RILPL1: variants seen among roughly 807,000 people sequenced by gnomAD.
RILPL1 encodes Rab interacting lysosomal protein like 1.
A neutral mutation model predicts 50.3 loss-of-function variants in RILPL1; 33 were observed. The ratio of observed to expected loss-of-function variants is 0.66; its 90% CI spans 0.50 to 0.88. The LOEUF is 0.88. RILPL1 is among the 40% of genes least tolerant of loss of function. The pLI is 0.00. For missense variants in RILPL1, 418 were observed against 542.5 expected, an observed-to-expected ratio of 0.77 and a Z score of 2.28; for synonymous variants, 205 against 228.6, an observed-to-expected ratio of 0.90 and a Z score of 0.93.
In RILPL1 at chr12:123,524,586, T is replaced by C. The variant is rs571575259; in HGVS notation, c.310-941A>G. ...CATGGCACATCCATACAATGGAACATTATTCGGCCATGAAAAGGAATGAAA... is the reference window on the plus strand; with the variant it reads ...CATGGCACATCCATACAATGGAACACTATTCGGCCATGAAAAGGAATGAAA... On this transcript the variant is annotated intron_variant, in intron 1 of 6. Transcript: ENST00000376874. Among the ~76,000 whole-genome samples, 11 of 152,312 alleles carry C rather than the reference T, an allele frequency of 7.2e-5. 1 individual carries two copies. In the East Asian group the frequency reaches 2.1e-3, roughly 29 times the overall value.
intron 2 of RILPL1, among the ~76,000 whole-genome samples, chr12:123,512,593 T>C (rs972557471): frequency 6.9e-6 from 1 of 144,048 alleles, no homozygotes; most frequent in Non-Finnish European, 1.5e-5. Flanking sequence ...GTGTGTGGTG[T>C]GTGAGATCTG....
At chr12:123,499,394 G>A (rs9697264) in intron 3 of RILPL1, 24 bp downstream of exon 3, 626,464 of 1,552,378 alleles carry the variant, frequency 0.4, 133,707 homozygotes, top group African/African-American at 0.67. Context: ...GAGGGTGGAC[G>A]CAGGTCAGGG....
At chr12:123,515,105 A>T (rs536094508) in intron 2 of RILPL1, among the ~76,000 whole-genome samples, 46 of 151,026 alleles carry the variant, frequency 3.0e-4, no homozygotes, top group African/African-American at 9.0e-4. Context: ...TAATTTAAAA[A>T]TTTTTTTGTA....
chr12:123,502,077 T>C (rs1883432971), intron 2 of RILPL1, among the ~76,000 whole-genome samples: 1 of 123,640 alleles, frequency 8.1e-6, no homozygotes. Flanking sequence ...TGAAACTTCG[T>C]CTCAAAAAAA....
At chr12:123,527,750 A>G (rs2139391683) in intron 1 of RILPL1, among the ~76,000 whole-genome samples, 1 of 152,104 alleles carries the variant, frequency 6.6e-6, no homozygotes, top group South Asian at 2.1e-4. Flanking sequence ...GGGTCTTCGT[A>G]AGAGGAAGGC....
At chr12:123,504,520 C>T (rs1021881215) in intron 2 of RILPL1, among the ~76,000 whole-genome samples, 1 of 152,124 alleles carries the variant, frequency 6.6e-6, no homozygotes, top group Non-Finnish European at 1.5e-5. Flanking sequence ...AGGCATCAGC[C>T]TGTCTCATTC....
rs146003910 is a variant in RILPL1 at position 123,491,151 on chromosome 12, C to T, written c.802-5346G>A. 6.6e-6 allele frequency among the ~76,000 whole-genome samples: 1 copy of T among 152,316 alleles called. No homozygotes were observed. Among genetic ancestry groups the T allele is most frequent in the Non-Finnish European group, 1.5e-5 (1 of 68,030 alleles). On this transcript the variant is annotated intron_variant, in intron 4 of 6. Transcript: ENST00000376874. The surrounding 1 kb of genome is among the most constrained non-coding windows in gnomAD (Gnocchi z 4.0). ...CAGTGACCGCAGGGCCACGGGCAGC[C>T]CAGGACTATCCGGTTCAGACTGGGA...
chr12:123,509,685 G>A (rs1047344008), intron 2 of RILPL1, among the ~76,000 whole-genome samples: 1 of 152,170 alleles, frequency 6.6e-6, no homozygotes, highest in Non-Finnish European at 1.5e-5. Flanking sequence ...TCCACTTCCA[G>A]GAGGAGCTCC....
intron 1 of RILPL1, among the ~76,000 whole-genome samples, chr12:123,532,779 T>C (rs1885485454): frequency 6.8e-6 from 1 of 146,960 alleles, no homozygotes; most frequent in Non-Finnish European, 1.5e-5. Context: ...CCAAGAGGCT[T>C]ATTTCATGTC....
intron 1 of RILPL1, among the ~76,000 whole-genome samples, chr12:123,531,439 T>C (rs1408413180): frequency 6.6e-6 from 1 of 152,110 alleles, no homozygotes; most frequent in Non-Finnish European, 1.5e-5. Flanking sequence ...TTCTGTGTGA[T>C]CTGGTCAAAG....
chr12:123,522,291 C>T lies in RILPL1; in HGVS notation c.460+1204G>A, dbSNP rs1001270880. Among the ~76,000 whole-genome samples, 13 of 152,184 alleles carry T rather than the reference C, an allele frequency of 8.5e-5. No homozygotes were observed. The highest frequency in any genetic ancestry group is 1.5e-4 in the Non-Finnish European group (10 of 68,034). ...CTGCAGGGCTGAGCAGAGCAGATGC[C>T]GCCCACAGCCCCGCCTGGCCCGAAT... On this transcript the variant is annotated intron_variant, in intron 2 of 6. Coordinates refer to ENST00000376874, the MANE Select transcript of RILPL1 (RefSeq NM_178314.5). The surrounding 1 kb of genome is among the most constrained non-coding windows in gnomAD (Gnocchi z 4.0).
At chr12:123,479,830 G>A (rs971466293) in intron 6 of RILPL1, among the ~76,000 whole-genome samples, 1 of 152,188 alleles carries the variant, frequency 6.6e-6, no homozygotes, top group African/African-American at 2.4e-5. Context: ...CCTAAGTGGG[G>A]AAGAGCTCTG....
At position 123,522,344 on chromosome 12, in the gene RILPL1, C is replaced by T. The variant is rs919961253; in HGVS notation, c.460+1151G>A. Among the ~76,000 whole-genome samples, 1 of 151,736 alleles carries T rather than the reference C, an allele frequency of 6.6e-6. No individual in the cohort carries two copies. Among genetic ancestry groups the T allele is most frequent in the African/African-American group, 2.4e-5 (1 of 41,004 alleles). On this transcript the variant is annotated intron_variant, in intron 2 of 6. Transcript: ENST00000376874. The surrounding 1 kb of genome is among the most constrained non-coding windows in gnomAD (Gnocchi z 4.0). ...TGCGGCCCATTTGTCCTTTTCCCAG[C>T]ACCAGCAGAGGCCCTGCATGAAGGT...
chr12:123,520,261 G>C (rs533667152), intron 2 of RILPL1, among the ~76,000 whole-genome samples: 1 of 152,284 alleles, frequency 6.6e-6, no homozygotes, highest in South Asian at 2.1e-4. Context: ...CAGACAATTC[G>C]GACATGAAAA....
At chr12:123,479,712 C>T (rs1881833824) in intron 6 of RILPL1, among the ~76,000 whole-genome samples, 2 of 152,210 alleles carry the variant, frequency 1.3e-5, no homozygotes, top group Non-Finnish European at 2.9e-5. Flanking sequence ...CGGGACTGGT[C>T]ACCCGCACCC....
chr12:123,527,048 AG>A (rs1885286757), intron 1 of RILPL1, among the ~76,000 whole-genome samples: 1 of 152,198 alleles, frequency 6.6e-6, no homozygotes, highest in Non-Finnish European at 1.5e-5. Context: ...TAAGGATCTT[AG>A]GCATGGCACG....
chr12:123,503,948 C>A (rs1017563785), intron 2 of RILPL1, among the ~76,000 whole-genome samples: 1 of 150,592 alleles, frequency 6.6e-6, no homozygotes, highest in African/African-American at 2.4e-5. Context: ...TTGCAGTGAG[C>A]CGAGATGGCG....
chr12:123,481,333 T>A (rs1390833531), intron 6 of RILPL1, among the ~76,000 whole-genome samples: 2 of 148,536 alleles, frequency 1.3e-5, no homozygotes, highest in African/African-American at 5.0e-5. Flanking sequence ...CACTCCAGCC[T>A]CGGCAATGGA....
At chr12:123,511,065 CTG>C (rs1286532690) in intron 2 of RILPL1, among the ~76,000 whole-genome samples, 6 of 55,854 alleles carry the variant, frequency 1.1e-4, no homozygotes, top group East Asian at 1.1e-3. Context: ...TGTGTGGGGT[CTG>C]TGTGTGTGTG....
Sources: allele counts gnomAD v4.1 joint callset (sites outside exome capture counted in the v4.1 genomes callset), GRCh38; gene constraint gnomAD v4.1.1; non-coding constraint Gnocchi (gnomAD v3.1); transcripts MANE v1.5; gene names NCBI Gene and HGNC (gene_info 2026-07-23, HGNC 2026-07-21).